CNTN6: variants seen among roughly 807,000 people sequenced by gnomAD.
CNTN6 encodes contactin-6.
A neutral mutation model predicts 122.8 loss-of-function variants in CNTN6; 137 were observed. The ratio of observed to expected loss-of-function variants is 1.12; its 90% CI spans 0.97 to 1.29. The LOEUF (loss-of-function observed/expected upper bound fraction) is 1.29, where lower values mean the gene tolerates loss of function less well. Ranked by LOEUF, CNTN6 falls within the 50% of genes most tolerant of loss-of-function variation. The pLI is 0.00. For missense variants in CNTN6, 1,634 were observed against 1,223.4 expected, an observed-to-expected ratio of 1.34 and a Z score of -5.01; for synonymous variants, 570 against 426.0, an observed-to-expected ratio of 1.34 and a Z score of -4.16.
Position 1,101,593 on chromosome 3 carries a change from T to G in CNTN6, c.-83+8473T>G, listed in dbSNP as rs572422708. Among the ~76,000 whole-genome samples the G allele has an allele frequency of 7.9e-5, 12 of 152,342 alleles. No homozygotes were observed. In the South Asian group the frequency reaches 2.5e-3, roughly 32 times the overall value. On this transcript the variant is annotated intron_variant, in intron 1 of 22. Transcript: ENST00000446702. ...CTCTTATGGTTTCATGGAGTTATTTTGTAATAGGCAATGGAACATTTGCTA... is the reference window on the plus strand; with the variant it reads ...CTCTTATGGTTTCATGGAGTTATTTGGTAATAGGCAATGGAACATTTGCTA...
intron 5 of CNTN6, among the ~76,000 whole-genome samples, chr3:1,281,116 A>G (rs1184552949): frequency 6.6e-6 from 1 of 152,160 alleles, no homozygotes; most frequent in East Asian, 1.9e-4. Context: ...CATGGATATG[A>G]TCTCTCATCC....
chr3:1,294,004 G>A (rs1695776145), intron 5 of CNTN6, among the ~76,000 whole-genome samples: 2 of 152,114 alleles, frequency 1.3e-5, no homozygotes, highest in Non-Finnish European at 2.9e-5. Context: ...CTCAAATATT[G>A]CTGGTGGAAG....
intron 2 of CNTN6, among the ~76,000 whole-genome samples, chr3:1,163,561 GC>G: frequency 6.6e-6 from 1 of 152,190 alleles, no homozygotes; most frequent in Non-Finnish European, 1.5e-5. Context: ...GCAGGCACAT[GC>G]CACCACACCT....
At chr3:1,241,865 A>C (rs570080631) in intron 4 of CNTN6, among the ~76,000 whole-genome samples, 2 of 152,318 alleles carry the variant, frequency 1.3e-5, no homozygotes, top group Non-Finnish European at 2.9e-5. Context: ...AAGGCCTCTA[A>C]AAGTATTAAA....
chr3:1,291,165 TGTTA>T (rs1400641031), intron 5 of CNTN6, among the ~76,000 whole-genome samples: 22 of 152,358 alleles, frequency 1.4e-4, no homozygotes, highest in African/African-American at 4.6e-4. Context: ...ACCTTTATAC[TGTTA>T]GTTCTTGCAC....
chr3:1,297,651 T>TTC (rs1696491569), intron 6 of CNTN6, among the ~76,000 whole-genome samples: 2 of 150,792 alleles, frequency 1.3e-5, no homozygotes, highest in African/African-American at 4.9e-5. Flanking sequence ...TTTTTTTTTT[T>TTC]TTATTAATCA....
chr3:1,139,584 T>A (rs755460633), intron 1 of CNTN6, among the ~76,000 whole-genome samples: 11 of 151,442 alleles, frequency 7.3e-5, no homozygotes, highest in East Asian at 5.8e-4. Flanking sequence ...AATATTGTTT[T>A]AAAAAAAAAC....
At chr3:1,228,212 T>C (rs550182278) in intron 4 of CNTN6, among the ~76,000 whole-genome samples, 7 of 152,310 alleles carry the variant, frequency 4.6e-5, no homozygotes, top group Admixed American at 1.3e-4. Flanking sequence ...ATCAATGTTA[T>C]TATATTTTGT....
intron 12 of CNTN6, among the ~76,000 whole-genome samples, chr3:1,354,938 T>C (rs1013663211): frequency 6.6e-6 from 1 of 151,574 alleles, no homozygotes; most frequent in Non-Finnish European, 1.5e-5. Flanking sequence ...AGCCTGAACC[T>C]ACATCGAAAT....
intron 2 of CNTN6, among the ~76,000 whole-genome samples, chr3:1,167,391 G>T (rs372449727): frequency 3.3e-5 from 5 of 152,108 alleles, no homozygotes; most frequent in African/African-American, 1.2e-4. Context: ...TATCTGAAAT[G>T]TTGCCCAGAT....
In CNTN6 at chr3:1,403,361, T is replaced by A; in HGVS notation, c.3030T>A (p.His1010Gln). Residue 1010 changes from histidine (H) to glutamine (Q), a missense_variant, in exon 23 of 23, where the codon CAT (histidine) becomes CAA (glutamine). By Grantham distance (24) the His-to-Gln change is conservative. Transcript: ENST00000446702. ...RGIQFLEPST[H>Q]FLSIVIVIFH... ...TTCAATTCTTAGAACCTAGCACCCA[T>A]TTTCTTTCCATTGTCATTGTGATTT... 6.2e-7 allele frequency: 1 copy of A among 1,611,470 alleles called. No individual in the cohort carries two copies. The highest frequency in any genetic ancestry group is 8.5e-7 in the Non-Finnish European group (1 of 1,178,630).
At chr3:1,369,300 A>G (rs1575901414) in intron 12 of CNTN6, among the ~76,000 whole-genome samples, 1 of 151,768 alleles carries the variant, frequency 6.6e-6, no homozygotes, top group South Asian at 2.1e-4. Context: ...AGTAACTAAT[A>G]TGATTGGATT....
At chr3:1,373,787 C>G (rs76037419) in intron 15 of CNTN6, 25 bp downstream of exon 15, 28 of 1,557,272 alleles carry the variant, frequency 1.8e-5, no homozygotes, top group Non-Finnish European at 2.4e-5. Flanking sequence ...TGTTTTGGGT[C>G]ACTTTAAAAA....
chr3:1,158,528 T>TA (rs1274172575), intron 2 of CNTN6, among the ~76,000 whole-genome samples: 3 of 151,896 alleles, frequency 2.0e-5, no homozygotes, highest in Non-Finnish European at 4.4e-5. Context: ...ATAGAAGCTT[T>TA]TAAACTTGAT....
At chr3:1,316,742 A>G (rs2125947456) in intron 7 of CNTN6, among the ~76,000 whole-genome samples, 1 of 151,742 alleles carries the variant, frequency 6.6e-6, no homozygotes, top group Admixed American at 6.6e-5. Flanking sequence ...TATTATTATT[A>G]ACACAGAATG....
intron 11 of CNTN6, among the ~76,000 whole-genome samples, chr3:1,339,817 C>T (rs1172525184): frequency 6.6e-6 from 1 of 152,096 alleles, no homozygotes; most frequent in African/African-American, 2.4e-5. Flanking sequence ...CAAGAATTGA[C>T]TCTTTGACTA....
At chr3:1,315,546 T>C (rs886181273) in intron 7 of CNTN6, among the ~76,000 whole-genome samples, 2 of 152,054 alleles carry the variant, frequency 1.3e-5, no homozygotes, top group Non-Finnish European at 2.9e-5. Flanking sequence ...TTAGCTCAGA[T>C]GGCATATGGA....
At chr3:1,311,497 A>G (rs569239039) in intron 7 of CNTN6, among the ~76,000 whole-genome samples, 1 of 131,666 alleles carries the variant, frequency 7.6e-6, no homozygotes, top group Non-Finnish European at 1.6e-5. Context: ...ATGTACATAT[A>G]TGTACATATA....
chr3:1,227,813 TGAAG>T lies in CNTN6; in HGVS notation c.183-3_183del, dbSNP rs1443605508. ...ATAAGCACTTTATTTTTTTTTTCCT[TGAAG>T]GTGGAAGCAAAATGGCACAGACATT... On this transcript the variant is annotated splice_acceptor_variant and splice_polypyrimidine_tract_variant and intron_variant, in intron 3 of 22. Coordinates refer to ENST00000446702, the MANE Select transcript of CNTN6 (RefSeq NM_001289080.2). LOFTEE classifies it high-confidence loss of function. The T allele has an allele frequency of 1.9e-6, 3 of 1,612,818 alleles. No individual in the cohort carries two copies. The highest frequency in any genetic ancestry group is 3.3e-5 in the Admixed American group (2 of 59,762).
Sources: allele counts gnomAD v4.1 joint callset (sites outside exome capture counted in the v4.1 genomes callset), GRCh38; gene constraint gnomAD v4.1.1; transcripts MANE v1.5; gene names NCBI Gene and HGNC (gene_info 2026-07-23, HGNC 2026-07-21).